The following SPTBN1 variants were observed in gnomAD, a reference collection of about 807,000 sequenced individuals.
SPTBN1 encodes the protein spectrin beta, non-erythrocytic 1.
In SPTBN1, 32 loss-of-function variants were observed where a neutral mutation model predicts 266.4. That is an observed-to-expected ratio of 0.12 (90% CI 0.09 to 0.16). The LOEUF (loss-of-function observed/expected upper bound fraction) is 0.16. Ranked by LOEUF, SPTBN1 falls within the 10% of genes least tolerant of loss-of-function variation. The probability of loss-of-function intolerance (pLI) is 1.00; values close to 1 mark genes in which losing one functional copy is unlikely to be tolerated. For synonymous variants in SPTBN1, 1,336 were observed against 1,162.2 expected, an observed-to-expected ratio of 1.15 and a Z score of -3.04; for missense variants, 2,296 against 3,067.1, an observed-to-expected ratio of 0.75 and a Z score of 5.94.
At chr2:54,666,168 T>A in intron 34 of SPTBN1, 80 bp downstream of exon 34, 1 of 1,406,822 alleles carries the variant, frequency 7.1e-7, no homozygotes, top group Non-Finnish European at 9.7e-7. Context: ...CTTATACAGC[T>A]GCTGTGATTA....
chr2:54,639,858 CT>C (rs1435280758), intron 18 of SPTBN1, among the ~76,000 whole-genome samples: 5 of 152,190 alleles, frequency 3.3e-5, no homozygotes, highest in Non-Finnish European at 7.3e-5. Context: ...TTGGGTGGGG[CT>C]TTTTATGTCC....
chr2:54,591,396 C>T (rs1468491673), intron 2 of SPTBN1, among the ~76,000 whole-genome samples: 1 of 152,208 alleles, frequency 6.6e-6, no homozygotes, highest in Non-Finnish European at 1.5e-5. Context: ...AACTATATGT[C>T]TGTGCAAAGC....
At chr2:54,589,889 T>C (rs1675555785) in intron 2 of SPTBN1, among the ~76,000 whole-genome samples, 1 of 152,248 alleles carries the variant, frequency 6.6e-6, no homozygotes, top group Non-Finnish European at 1.5e-5. Context: ...ATTCTTTTGT[T>C]TTGAGTTAAG....
intron 2 of SPTBN1, among the ~76,000 whole-genome samples, chr2:54,530,519 A>G (rs1352927499): frequency 6.6e-6 from 1 of 151,246 alleles, no homozygotes; most frequent in African/African-American, 2.4e-5. Context: ...CCACCACCCC[A>G]GCTAATTTTT....
chr2:54,631,395 G>A lies in SPTBN1; in HGVS notation c.3348G>A (p.Glu1116=). ...AGAACGAGATCGACAACTACGAGGAGGACTACCAGAAGATGAGGGACATGG... is the reference window on the plus strand; with the variant it reads ...AGAACGAGATCGACAACTACGAGGAAGACTACCAGAAGATGAGGGACATGG... The part of the protein sequence containing the change: ...NIKNEIDNYE[E]DYQKMRDMGE... Residue 1116 remains glutamate (E), a synonymous_variant, in exon 16 of 36, where the codon GAG becomes GAA. Coordinates refer to ENST00000356805, the MANE Select transcript of SPTBN1 (RefSeq NM_003128.3). 2.5e-6 allele frequency: 4 copies of A among 1,614,234 alleles called. No homozygotes were observed. The highest frequency in any genetic ancestry group is 2.2e-5 in the East Asian group (1 of 44,890).
At chr2:54,639,748 G>T (rs543196235) in intron 18 of SPTBN1, among the ~76,000 whole-genome samples, 1 of 152,212 alleles carries the variant, frequency 6.6e-6, no homozygotes, top group Admixed American at 6.5e-5. Context: ...GTTATGAGGA[G>T]TTCTCTCCTC....
intron 1 of SPTBN1, among the ~76,000 whole-genome samples, chr2:54,462,697 G>A (rs750473622): frequency 3.3e-5 from 5 of 152,180 alleles, no homozygotes; most frequent in Non-Finnish European, 7.3e-5. Context: ...ATACACAGAA[G>A]GTAAAATACC....
rs1680119690 is a variant in SPTBN1 at position 54,649,346 on chromosome 2, G to A, written c.5202+156G>A. Among the ~76,000 whole-genome samples the A allele has an allele frequency of 6.6e-6, 1 of 152,176 alleles. No homozygotes were observed. The highest frequency in any genetic ancestry group is 1.5e-5 in the Non-Finnish European group (1 of 68,024). ...GGTGGTGTTTCTTTTATAAGCTGGT[G>A]ACTCGCATTTAGGTTGGCTAACCTC... On this transcript the variant is annotated intron_variant, in intron 25 of 35. Coordinates refer to ENST00000356805, the MANE Select transcript of SPTBN1 (RefSeq NM_003128.3). This position sits in a 1 kb window ranked among gnomAD's most constrained non-coding sequence, Gnocchi z 6.7.
At chr2:54,591,537 C>T (rs1675683235) in intron 2 of SPTBN1, among the ~76,000 whole-genome samples, 1 of 152,180 alleles carries the variant, frequency 6.6e-6, no homozygotes, top group South Asian at 2.1e-4. Context: ...AAGAAAGATT[C>T]CTTCTCTTAA....
intron 4 of SPTBN1, 116 bp downstream of exon 4, chr2:54,612,450 G>A: frequency 8.2e-7 from 1 of 1,217,118 alleles, no homozygotes; most frequent in South Asian, 1.8e-5. Flanking sequence ...TTGAAAGCAT[G>A]TCTCAGAGTC....
chr2:54,667,546 G>T, intron 34 of SPTBN1, 58 bp from the exon 35 acceptor site: 1 of 1,536,424 alleles, frequency 6.5e-7, no homozygotes, highest in Non-Finnish European at 9.0e-7. Flanking sequence ...ATGGGAGTTG[G>T]GGGATTTTTA....
chr2:54,559,479 C>G (rs577038877), intron 2 of SPTBN1, among the ~76,000 whole-genome samples: 71 of 152,318 alleles, frequency 4.7e-4, no homozygotes, highest in African/African-American at 1.7e-3. Flanking sequence ...CATTTCAACC[C>G]TATGGGTTGG....
intron 7 of SPTBN1, among the ~76,000 whole-genome samples, chr2:54,620,154 G>A (rs536152221): frequency 6.6e-6 from 1 of 152,322 alleles, no homozygotes; most frequent in Admixed American, 6.5e-5. Context: ...GCGGGAATGT[G>A]GTAGGTGGAG....
At chr2:54,580,757 C>G (rs970580941) in intron 2 of SPTBN1, among the ~76,000 whole-genome samples, 1 of 151,994 alleles carries the variant, frequency 6.6e-6, no homozygotes, top group Non-Finnish European at 1.5e-5. Flanking sequence ...GAGAGACACA[C>G]ATAACCAAAA....
intron 2 of SPTBN1, among the ~76,000 whole-genome samples, chr2:54,530,896 T>G (rs1298599854): frequency 6.6e-6 from 1 of 152,058 alleles, no homozygotes; most frequent in Non-Finnish European, 1.5e-5. Flanking sequence ...TGGGTGGGGA[T>G]AGTCTCCCAT....
intron 1 of SPTBN1, among the ~76,000 whole-genome samples, 159 bp from the exon 2 acceptor site, chr2:54,526,209 CATCT>C (rs1415297544): frequency 1.3e-5 from 2 of 152,192 alleles, no homozygotes; most frequent in African/African-American, 2.4e-5. Context: ...TAAGGTCACA[CATCT>C]ATTATGAGAC....
chr2:54,667,529 A>G (rs2104273750), intron 34 of SPTBN1, 75 bp from the exon 35 acceptor site: 1 of 1,404,744 alleles, frequency 7.1e-7, no homozygotes, highest in African/African-American at 1.4e-5. Flanking sequence ...TCTGTCCTGC[A>G]TGGGATATGG....
At chr2:54,662,760 C>T (rs1442804078) in intron 32 of SPTBN1, 3 of 152,136 alleles carry the variant, frequency 2.0e-5, no homozygotes, top group Non-Finnish European at 4.4e-5. Flanking sequence ...TGTCTATTTC[C>T]CCTCCTGCAA....
chr2:54,660,384 G>A (rs1192117430), intron 32 of SPTBN1: 1 of 1,139,652 alleles, frequency 8.8e-7, no homozygotes, highest in Admixed American at 4.4e-5. Flanking sequence ...GCATAATGAA[G>A]AAGAAAACTA....
Sources: allele counts gnomAD v4.1 joint callset (sites outside exome capture counted in the v4.1 genomes callset), GRCh38; gene constraint gnomAD v4.1.1; non-coding constraint Gnocchi (gnomAD v3.1); transcripts MANE v1.5; gene names NCBI Gene and HGNC (gene_info 2026-07-23, HGNC 2026-07-21).